The following THAP4 variants were observed in gnomAD, a reference collection of about 807,000 sequenced individuals.
THAP4 encodes peroxynitrite isomerase THAP4.
In THAP4, 18 loss-of-function variants were observed where a neutral mutation model predicts 48.1. The ratio of observed to expected loss-of-function variants is 0.37; its 90% CI spans 0.26 to 0.56. THAP4 has a LOEUF of 0.56. Ranked by LOEUF, THAP4 falls within the 20% of genes least tolerant of loss-of-function variation. THAP4 has a pLI of 0.78. For synonymous variants in THAP4, 345 were observed against 324.9 expected (o/e 1.06, Z -0.66); for missense variants, 656 against 774.9 (o/e 0.85, Z 1.82).
intron 2 of THAP4, among the ~76,000 whole-genome samples, chr2:241,628,221 C>T (rs2067517023): frequency 6.7e-6 from 1 of 149,726 alleles, no homozygotes; most frequent in Non-Finnish European, 1.5e-5. Context: ...CCCCTGGACC[C>T]GCCTCGGCTG....
intron 4 of THAP4, chr2:241,602,267 G>C (rs925800923): frequency 5.7e-6 from 3 of 525,388 alleles, no homozygotes; most frequent in Non-Finnish European, 1.0e-5. Flanking sequence ...CAATCAGCCT[G>C]GCAGAACCAC....
intron 5 of THAP4, among the ~76,000 whole-genome samples, chr2:241,589,117 A>G (rs1021314972): frequency 1.3e-5 from 2 of 151,606 alleles, no homozygotes; most frequent in Non-Finnish European, 2.9e-5. Context: ...GGAGGCTGAG[A>G]GAGGATAATC....
At position 241,616,127 on chromosome 2, in the gene THAP4, G is replaced by C. The variant is rs1346617549; in HGVS notation, c.1241-9654C>G. Among the ~76,000 whole-genome samples the C allele has an allele frequency of 6.6e-6, 1 of 152,238 alleles. No individual in the cohort carries two copies. The highest frequency in any genetic ancestry group is 1.5e-5 in the Non-Finnish European group (1 of 68,038). Reference sequence around the variant, plus strand: ...CTGGGCTTATCTGAAGTCTGGTCAAGTTGAACTGGACCATCTATTCCCCCA... The same window carrying C: ...CTGGGCTTATCTGAAGTCTGGTCAACTTGAACTGGACCATCTATTCCCCCA... On this transcript the variant is annotated intron_variant, in intron 2 of 5. Transcript: ENST00000407315. The surrounding 1 kb of genome is among the most constrained non-coding windows in gnomAD (Gnocchi z 4.6).
chr2:241,625,918 AAG>A (rs1192790820), intron 2 of THAP4, among the ~76,000 whole-genome samples: 1 of 152,204 alleles, frequency 6.6e-6, no homozygotes, highest in East Asian at 1.9e-4. Context: ...AATGTATAAA[AAG>A]AATTATTTGC....
intron 2 of THAP4, among the ~76,000 whole-genome samples, chr2:241,625,481 C>CAAAAAA (rs67920958): frequency 3.4e-5 from 3 of 88,452 alleles, no homozygotes; most frequent in Non-Finnish European, 6.8e-5. Context: ...GACACTGTCT[C>CAAAAAA]AAAAAAAAAA....
chr2:241,591,424 C>T (rs889177631), intron 5 of THAP4, among the ~76,000 whole-genome samples: 1 of 152,200 alleles, frequency 6.6e-6, no homozygotes, highest in African/African-American at 2.4e-5. Context: ...AAACTGCACA[C>T]TTGAAGTGTA....
intron 5 of THAP4, among the ~76,000 whole-genome samples, chr2:241,590,363 A>T (rs2066946639): frequency 1.3e-5 from 2 of 151,030 alleles, no homozygotes; most frequent in Non-Finnish European, 2.9e-5. Context: ...TAGGACACTC[A>T]GAACTGCCCG....
intron 2 of THAP4, among the ~76,000 whole-genome samples, chr2:241,618,144 A>G (rs943221783): frequency 9.2e-5 from 14 of 152,306 alleles, no homozygotes; most frequent in African/African-American, 2.2e-4. Context: ...GAACACCGTG[A>G]TATGTTTGGG....
intron 2 of THAP4, among the ~76,000 whole-genome samples, chr2:241,626,971 A>G (rs947190463): frequency 2.0e-5 from 3 of 151,880 alleles, no homozygotes; most frequent in Admixed American, 6.6e-5. Flanking sequence ...ACCATTTATC[A>G]CTCTTCTGAC....
At chr2:241,604,094 CTTTA>C (rs1227124665) in intron 3 of THAP4, among the ~76,000 whole-genome samples, 2 of 151,684 alleles carry the variant, frequency 1.3e-5, no homozygotes, top group Non-Finnish European at 2.9e-5. Context: ...TAGAGATAAA[CTTTA>C]TTTATTTATT....
At position 241,610,336 on chromosome 2, in the gene THAP4, G is replaced by C. The variant is rs1320740144; in HGVS notation, c.1241-3863C>G. Among the ~76,000 whole-genome samples, 2 of 152,124 alleles carry C rather than the reference G, an allele frequency of 1.3e-5. No homozygotes were observed. The highest frequency in any genetic ancestry group is 4.8e-5 in the African/African-American group (2 of 41,424). On this transcript the variant is annotated intron_variant, in intron 2 of 5. Coordinates refer to ENST00000407315, the MANE Select transcript of THAP4 (RefSeq NM_015963.6). The surrounding 1 kb of genome is among the most constrained non-coding windows in gnomAD (Gnocchi z 4.2). ...CATCTCCGCCCTCTCTTGCGCCTGC[G>C]GGACCGGGAGGGCCGCGCTCGCCCC...
rs147957437 is a variant in THAP4 at position 241,633,582 on chromosome 2, G to A, written c.575C>T (p.Ala192Val). The change falls in exon 2 of 6, where the codon GCG becomes GTG. Residue 192 changes from alanine to valine, a missense_variant. Around this residue, in one of 4 missense-constraint regions of THAP4, gnomAD observed 391 missense variants for 412.4 expected, o/e 0.95. Transcript: ENST00000407315. The surrounding 1 kb of genome is among the most constrained non-coding windows in gnomAD (Gnocchi z 7.5). ...MVAGSQGKAE[A>V]SATDAGDESA... The stretch of plus-strand genomic sequence containing the variant: ...CTCATCGCCAGCATCTGTGGCAGAC[G>A]CTTCTGCTTTTCCCTGACTGCCTGC... 27 of 1,613,462 alleles carry A rather than the reference G, an allele frequency of 1.7e-5. No individual in the cohort carries two copies. Among genetic ancestry groups the A allele is most frequent in the Middle Eastern group, 1.6e-4 (1 of 6,084 alleles).
intron 2 of THAP4, among the ~76,000 whole-genome samples, chr2:241,629,837 C>T (rs551538043): frequency 6.6e-6 from 1 of 151,672 alleles, no homozygotes; most frequent in South Asian, 2.1e-4. Context: ...GGGAGGTCTA[C>T]CTCACCTTTC....
At chr2:241,631,330 T>A (rs927472791) in intron 2 of THAP4, among the ~76,000 whole-genome samples, 5 of 152,210 alleles carry the variant, frequency 3.3e-5, no homozygotes, top group Non-Finnish European at 7.3e-5. Context: ...GTGGTAGGAA[T>A]ATGGTTTTCC....
intron 2 of THAP4, among the ~76,000 whole-genome samples, chr2:241,623,148 C>T (rs922992196): frequency 2.6e-5 from 4 of 152,122 alleles, no homozygotes; most frequent in East Asian, 1.9e-4. Flanking sequence ...ACCAGGGAGT[C>T]GGAGGCTGCA....
intron 1 of THAP4, among the ~76,000 whole-genome samples, chr2:241,636,384 G>T (rs866386018): frequency 1.4e-4 from 21 of 152,236 alleles, no homozygotes; most frequent in African/African-American, 4.6e-4. Flanking sequence ...GCCCTGCCGC[G>T]GGGGCCCACG....
rs767176326 is a variant in THAP4 at position 241,633,534 on chromosome 2, C to T, written c.623G>A (p.Gly208Glu). Residue 208 changes from glycine (G) to glutamate (E), a missense_variant, in exon 2 of 6, where the codon GGG becomes GAG. Gly to Glu is a moderately conservative substitution (Grantham distance 98). Coordinates refer to ENST00000407315, the MANE Select transcript of THAP4 (RefSeq NM_015963.6). The surrounding 1 kb of genome is among the most constrained non-coding windows in gnomAD (Gnocchi z 7.5). Reference sequence around the variant, plus strand: ...AATGCCACTCTTATCTGTCACGCCCCCTTCGATGGAGGAAGTGGCGCTCTC... The same window carrying T: ...AATGCCACTCTTATCTGTCACGCCCTCTTCGATGGAGGAAGTGGCGCTCTC... Reference protein sequence around the residue: ...GDESATSSIEGGVTDKSGISM... With the variant: ...GDESATSSIEEGVTDKSGISM... The T allele has an allele frequency of 1.2e-6, 2 of 1,614,086 alleles. No individual in the cohort carries two copies. The highest frequency in any genetic ancestry group is 1.7e-6 in the Non-Finnish European group (2 of 1,180,012).
Position 241,601,497 on chromosome 2 carries a change from T to C in THAP4, c.1614+399A>G, listed in dbSNP as rs1311423328. Among the ~76,000 whole-genome samples, 1 of 152,188 alleles carries C rather than the reference T, an allele frequency of 6.6e-6. No homozygotes were observed. The highest frequency in any genetic ancestry group is 1.5e-5 in the Non-Finnish European group (1 of 68,032). ...AGGAGTAGGGAACCAGCTGCCCTCA[T>C]GCAAGAGATAGTGGGAGGATAATCA... On this transcript the variant is annotated intron_variant, in intron 5 of 5. Transcript: ENST00000407315. The surrounding 1 kb of genome is among the most constrained non-coding windows in gnomAD (Gnocchi z 4.0).
chr2:241,632,917 C>T lies in THAP4; in HGVS notation c.1240G>A (p.Glu414Lys), dbSNP rs762261697. Residue 414 changes from glutamate to lysine, a missense_variant and splice_region_variant, in exon 2 of 6, where the codon GAG becomes AAG. Glu to Lys is a moderately conservative substitution (Grantham distance 56). This residue lies in a region of THAP4 where 176 missense variants were observed against 256.7 expected (regional missense o/e 0.69). Transcript: ENST00000407315. ...YPSSLLSPSR[E>K]PPKMNPVVEP... is the part of the protein sequence containing the mutation. ...GGGTACGCGAGGCTCCGGTACTGACCGCGGCTGGGCGACAGCAGGCTACTT... is the reference window on the plus strand; with the variant it reads ...GGGTACGCGAGGCTCCGGTACTGACTGCGGCTGGGCGACAGCAGGCTACTT... 6 of 1,592,322 alleles carry T rather than the reference C, an allele frequency of 3.8e-6. No homozygotes were observed. Among genetic ancestry groups the T allele is most frequent in the South Asian group, 1.1e-5 (1 of 87,836 alleles).
Sources: gnomAD v4.1 joint callset for allele counts (sites outside exome capture counted in the v4.1 genomes callset) on GRCh38, gnomAD v4.1.1 for gene constraint, gnomAD v4.1.1 regional missense constraint, Gnocchi (gnomAD v3.1) non-coding constraint, MANE v1.5 for transcripts, NCBI Gene and HGNC (gene_info 2026-07-23, HGNC 2026-07-21) for gene names.